The following LNPEP variants were observed in gnomAD, a reference collection of about 807,000 sequenced individuals.
The protein encoded by LNPEP is leucyl-cystinyl aminopeptidase.
Under a neutral mutation model 120.6 loss-of-function variants are expected in LNPEP, and 64 were observed. The ratio of observed to expected loss-of-function variants is 0.53; its 90% CI spans 0.43 to 0.65. The LOEUF (loss-of-function observed/expected upper bound fraction) is 0.65. Among genes scored for constraint, LNPEP ranks in the 30% least tolerant of loss-of-function variants. The pLI is 0.00. For missense variants in LNPEP, 1,057 were observed against 1,200.0 expected (o/e 0.88, Z 1.76); for synonymous variants, 435 against 425.4 (o/e 1.02, Z -0.28).
At chr5:96,991,930 C>T (rs1329341579) in intron 4 of LNPEP, among the ~76,000 whole-genome samples, 3 of 152,148 alleles carry the variant, frequency 2.0e-5, no homozygotes, top group East Asian at 3.8e-4. Context: ...CCATTTTCCA[C>T]CTGTTGAGAT....
At chr5:97,006,046 T>TTA (rs3839297) in intron 9 of LNPEP, 27 bp from the exon 10 acceptor site, 259,367 of 694,828 alleles carry the variant, frequency 0.37, 25,767 homozygotes, top group Admixed American at 0.53. Flanking sequence ...GGAAAAAGTT[T>TTA]TATATATATA....
Position 97,031,876 on chromosome 5 carries a change from CTG to C in LNPEP, c.*3345_*3346del, listed in dbSNP as rs1253801314. 2 of 151,696 alleles carry C rather than the reference CTG, an allele frequency of 1.3e-5. No homozygotes were observed. The highest frequency in any genetic ancestry group is 4.8e-5 in the African/African-American group (2 of 41,268). 9.4% of individuals were successfully genotyped at this position (151,696 alleles called of 1,614,324 possible). A position where few individuals can be genotyped will look rare whatever the true frequency, so the allele number is the denominator to read the frequency against. On this transcript the variant is annotated 3_prime_UTR_variant, in exon 18 of 18. Transcript: ENST00000231368. ...CTCCAGCCTGGGTGACAAAGCGAGA[CTG>C]TCTCAAAAAACAAAAAACAAAAAAA...
intron 1 of LNPEP, among the ~76,000 whole-genome samples, chr5:96,965,175 G>A (rs186233137): frequency 4.4e-4 from 67 of 152,128 alleles, no homozygotes; most frequent in Non-Finnish European, 6.9e-4. Context: ...TCTAGCATTC[G>A]ATAGTACAGT....
At chr5:96,956,478 A>C (rs1789472271) in intron 1 of LNPEP, among the ~76,000 whole-genome samples, 1 of 152,214 alleles carries the variant, frequency 6.6e-6, no homozygotes, top group African/African-American at 2.4e-5. Flanking sequence ...AAATTATGCC[A>C]CTTCACTCCA....
rs1250784233 is a variant in LNPEP, at chr5:97,029,277, C to A, written c.*744C>A. 1 of 152,260 alleles carries A rather than the reference C, an allele frequency of 6.6e-6. No individual in the cohort carries two copies. The highest frequency in any genetic ancestry group is 1.5e-5 in the Non-Finnish European group (1 of 68,036). 9.4% of individuals were successfully genotyped at this position (152,260 alleles called of 1,614,324 possible). A position where few individuals can be genotyped will look rare whatever the true frequency, so the allele number is the denominator to read the frequency against. On this transcript the variant is annotated 3_prime_UTR_variant, in exon 18 of 18. Transcript: ENST00000231368. ...CGTTACCATAGGAAACTGTTCCAAA[C>A]TGAGTTAGCTTTAATTATAATTATT...
intron 1 of LNPEP, among the ~76,000 whole-genome samples, chr5:96,945,019 A>G (rs1180230175): frequency 6.6e-6 from 1 of 152,186 alleles, no homozygotes; most frequent in Non-Finnish European, 1.5e-5. Context: ...GCCTCCAGGT[A>G]GCAGGCTTTC....
At chr5:96,980,005 G>A in intron 2 of LNPEP, 27 bp downstream of exon 2, 1 of 1,547,188 alleles carries the variant, frequency 6.5e-7, no homozygotes, top group Non-Finnish European at 8.7e-7. Context: ...AATGATTCTG[G>A]TTTTACGCTC....
chr5:96,971,477 A>G (rs1721984239), intron 1 of LNPEP, among the ~76,000 whole-genome samples: 1 of 151,592 alleles, frequency 6.6e-6, no homozygotes, highest in Non-Finnish European at 1.5e-5. Flanking sequence ...ATTTCTTCAG[A>G]TATTTTCTTC....
chr5:96,981,515 C>T (rs978863838), intron 2 of LNPEP, among the ~76,000 whole-genome samples: 3 of 152,100 alleles, frequency 2.0e-5, no homozygotes, highest in Admixed American at 2.0e-4. Context: ...AACAAGTGGC[C>T]GTACCAAAAA....
intron 1 of LNPEP, among the ~76,000 whole-genome samples, chr5:96,970,306 T>TA: frequency 6.6e-6 from 1 of 152,186 alleles, no homozygotes; most frequent in Admixed American, 6.5e-5. Flanking sequence ...CTATTCTTCA[T>TA]AAAAAACTTC....
At chr5:96,986,417 AGGTTAT>A in intron 3 of LNPEP, 116 bp from the exon 4 acceptor site, 1 of 906,724 alleles carries the variant, frequency 1.1e-6, no homozygotes, top group Non-Finnish European at 1.7e-6. Context: ...TCATACTGAG[AGGTTAT>A]AATATGCTAG....
Position 96,995,691 on chromosome 5 carries a change from G to T in LNPEP, c.1408-699G>T, listed in dbSNP as rs539980190. 1.9e-4 allele frequency among the ~76,000 whole-genome samples: 29 copies of T among 152,142 alleles called. No individual in the cohort carries two copies. The South Asian group carries it at 6.0e-3, about 32-fold the overall frequency. Reference sequence around the variant, plus strand: ...CAACAGGCATACATCACCATGCCTGGCTTAATTTTTTTGTAGAGACAGAGT... The same window carrying T: ...CAACAGGCATACATCACCATGCCTGTCTTAATTTTTTTGTAGAGACAGAGT... On this transcript the variant is annotated intron_variant, in intron 6 of 17. Coordinates refer to ENST00000231368, the MANE Select transcript of LNPEP (RefSeq NM_005575.3).
In LNPEP at chr5:97,029,064, T is replaced by A. The variant is rs1301281525; in HGVS notation, c.*531T>A. On this transcript the variant is annotated 3_prime_UTR_variant, in exon 18 of 18. Transcript: ENST00000231368. ...TCAGGTGTGCAGATCTACTTTGATT[T>A]GGGGTTTTGATTAATTCTTTATTTT... 2.6e-5 allele frequency: 4 copies of A among 152,466 alleles called. No homozygotes were observed. Among genetic ancestry groups the A allele is most frequent in the Middle Eastern group, 3.4e-3 (1 of 294 alleles). 9.4% of individuals were successfully genotyped at this position (152,466 alleles called of 1,614,324 possible).
intron 12 of LNPEP, 46 bp downstream of exon 12, chr5:97,013,877 T>G (rs753809790): frequency 1.3e-5 from 17 of 1,349,834 alleles, no homozygotes; most frequent in Non-Finnish European, 1.5e-5. Context: ...TAAACAAATG[T>G]CATTGAGGTA....
At chr5:96,971,541 C>CT (rs1309560269) in intron 1 of LNPEP, among the ~76,000 whole-genome samples, 1 of 151,978 alleles carries the variant, frequency 6.6e-6, no homozygotes, top group African/African-American at 2.4e-5. Flanking sequence ...GTTAGACTGT[C>CT]TGATACTGTC....
At chr5:97,013,422 ATTT>A in intron 11 of LNPEP, among the ~76,000 whole-genome samples, 1 of 152,302 alleles carries the variant, frequency 6.6e-6, no homozygotes. Context: ...TCACCATTTG[ATTT>A]CCAGCACCTA....
chr5:97,004,770 C>T (rs1231424301), intron 9 of LNPEP, among the ~76,000 whole-genome samples: 1 of 152,170 alleles, frequency 6.6e-6, no homozygotes. Context: ...TCTGAATTCT[C>T]TTTGAGAACT....
intron 1 of LNPEP, chr5:96,936,932 A>C (rs1451489975): frequency 6.6e-6 from 1 of 152,224 alleles, no homozygotes; most frequent in Non-Finnish European, 1.5e-5. Context: ...ACAGCCCTTC[A>C]CTGAACGGGG....
Position 96,967,312 on chromosome 5 carries a change from A to AT in LNPEP, c.20-11814dup, listed in dbSNP as rs149275267. ...AATTTGTAGCCTGGCTATTATTATTATTTTTTTTTTTTGGTAGAAGCTGGG... is the reference window on the plus strand; with the variant it reads ...AATTTGTAGCCTGGCTATTATTATTATTTTTTTTTTTTTGGTAGAAGCTGGG... On this transcript the variant is annotated intron_variant, in intron 1 of 17. Transcript: ENST00000231368. 4.0e-3 allele frequency among the ~76,000 whole-genome samples: 598 copies of AT among 151,216 alleles called. 6 individuals are homozygous for AT. Among genetic ancestry groups the AT allele is most frequent in the African/African-American group, 0.014 (579 of 41,296 alleles).
Sources: gnomAD v4.1 joint callset for allele counts (sites outside exome capture counted in the v4.1 genomes callset) on GRCh38, gnomAD v4.1.1 for gene constraint, MANE v1.5 for transcripts, NCBI Gene and HGNC (gene_info 2026-07-23, HGNC 2026-07-21) for gene names.